The following MDGA2 variants were observed in gnomAD, a reference collection of about 807,000 sequenced individuals.
The protein encoded by MDGA2 is MAM domain-containing glycosylphosphatidylinositol anchor protein 2.
A neutral mutation model predicts 117.8 loss-of-function variants in MDGA2; 40 were observed. The ratio of observed to expected loss-of-function variants is 0.34; its 90% CI spans 0.26 to 0.44. The LOEUF (loss-of-function observed/expected upper bound fraction) is 0.44, where lower values mean the gene tolerates loss of function less well. MDGA2 is among the 20% of genes least tolerant of loss of function. The pLI is 1.00. For synonymous variants in MDGA2, 452 were observed against 439.0 expected (o/e 1.03, Z -0.37); for missense variants, 1,123 against 1,250.6 (o/e 0.90, Z 1.54).
At chr14:47,528,896 C>T (rs774374637) in intron 1 of MDGA2, among the ~76,000 whole-genome samples, 8 of 152,060 alleles carry the variant, frequency 5.3e-5, no homozygotes, top group Non-Finnish European at 1.0e-4. Flanking sequence ...TATCTACTCT[C>T]AGGTACAAAC....
intron 1 of MDGA2, among the ~76,000 whole-genome samples, chr14:47,583,830 G>A (rs1474438040): frequency 6.6e-6 from 1 of 151,776 alleles, no homozygotes; most frequent in Non-Finnish European, 1.5e-5. Flanking sequence ...TTTCTCCGAA[G>A]AGCTTAGTCG....
intron 1 of MDGA2, among the ~76,000 whole-genome samples, chr14:47,349,150 C>T (rs910060154): frequency 1.3e-5 from 2 of 152,192 alleles, no homozygotes; most frequent in African/African-American, 4.8e-5. Context: ...CTAGAGCCTA[C>T]TTGAAGTGAT....
intron 1 of MDGA2, among the ~76,000 whole-genome samples, chr14:47,606,653 A>C (rs1896749141): frequency 6.6e-6 from 1 of 152,100 alleles, no homozygotes; most frequent in South Asian, 2.1e-4. Flanking sequence ...TATTACTTTG[A>C]AAATGCACCA....
intron 2 of MDGA2, among the ~76,000 whole-genome samples, chr14:47,270,246 A>AT (rs1266112978): frequency 1.3e-5 from 2 of 151,860 alleles, no homozygotes; most frequent in Non-Finnish European, 2.9e-5. Context: ...AGGTAATGTG[A>AT]TTTTTTTTCT....
chr14:47,646,346 T>A (rs1297667230), intron 1 of MDGA2, among the ~76,000 whole-genome samples: 8 of 152,092 alleles, frequency 5.3e-5, no homozygotes, highest in South Asian at 2.1e-4. Flanking sequence ...TATACACATA[T>A]AACATATATA....
At chr14:47,139,800 A>G (rs1882627710) in intron 4 of MDGA2, among the ~76,000 whole-genome samples, 1 of 40,048 alleles carries the variant, frequency 2.5e-5, no homozygotes, top group South Asian at 8.7e-4. Context: ...ATGTGTATAT[A>G]TATGTATATA....
chr14:47,013,772 G>GTATGTATATA (rs1555343312), intron 8 of MDGA2, among the ~76,000 whole-genome samples: 7 of 93,698 alleles, frequency 7.5e-5, no homozygotes, highest in Non-Finnish European at 8.8e-5. Flanking sequence ...TAATTTCCTT[G>GTATGTATATA]TATATATATA....
intron 3 of MDGA2, among the ~76,000 whole-genome samples, chr14:47,214,016 G>C (rs1052554548): frequency 6.6e-6 from 1 of 152,092 alleles, no homozygotes; most frequent in Non-Finnish European, 1.5e-5. Flanking sequence ...GAGCGAAGAG[G>C]GGGGTAAAGA....
chr14:47,053,423 G>A (rs1055727497), intron 7 of MDGA2, among the ~76,000 whole-genome samples: 6 of 151,418 alleles, frequency 4.0e-5, no homozygotes, highest in African/African-American at 1.2e-4. Flanking sequence ...AAACCATTTT[G>A]TTCTCTCAAA....
intron 3 of MDGA2, among the ~76,000 whole-genome samples, chr14:47,210,625 T>A (rs1885845790): frequency 6.6e-6 from 1 of 152,200 alleles, no homozygotes; most frequent in African/African-American, 2.4e-5. Context: ...AAAGATAGAT[T>A]TTAGGGTTCT....
intron 10 of MDGA2, among the ~76,000 whole-genome samples, chr14:46,911,008 G>A (rs529501781): frequency 6.6e-6 from 1 of 152,212 alleles, no homozygotes; most frequent in African/African-American, 2.4e-5. Flanking sequence ...GTGGAGGTTG[G>A]GCGGAGGAAG....
Position 46,957,376 on chromosome 14 carries a change from G to A in MDGA2, c.2087C>T (p.Thr696Ile). 6.2e-7 allele frequency: 1 copy of A among 1,612,142 alleles called. No individual in the cohort carries two copies. Among genetic ancestry groups the A allele is most frequent in the Non-Finnish European group, 8.5e-7 (1 of 1,178,868 alleles). ...AAAGAAAATATCTGGAATCCTACCT[G>A]TAACAAGAAAGCTGCATCTCCCAGC... ...AGAGRCSFLVTGKAYAPEFYY... is the reference protein window; with the variant it reads ...AGAGRCSFLVIGKAYAPEFYY... The change falls in exon 9 of 17, where the codon ACA (threonine) becomes ATA (isoleucine). Residue 696 changes from threonine (T) to isoleucine (I), a missense_variant and splice_region_variant. By Grantham distance (89) the Thr-to-Ile change is moderately conservative (BLOSUM62 -1). Around this residue, in one of 2 missense-constraint regions of MDGA2, gnomAD observed 890 missense variants for 1,050.3 expected, o/e 0.85. Coordinates refer to ENST00000399232, the MANE Select transcript of MDGA2 (RefSeq NM_001113498.3).
intron 1 of MDGA2, among the ~76,000 whole-genome samples, chr14:47,344,729 G>A (rs1056811327): frequency 6.8e-5 from 10 of 146,858 alleles, no homozygotes; most frequent in Admixed American, 2.7e-4. Context: ...TTCTTTTTTC[G>A]CATGTAAATG....
At chr14:47,392,102 T>A (rs1891909498) in intron 1 of MDGA2, among the ~76,000 whole-genome samples, 2 of 152,192 alleles carry the variant, frequency 1.3e-5, no homozygotes, top group Admixed American at 1.3e-4. Context: ...TCAGATCTCC[T>A]GAAGAGCGCA....
intron 1 of MDGA2, among the ~76,000 whole-genome samples, chr14:47,617,606 A>G (rs1310629848): frequency 6.6e-6 from 1 of 152,212 alleles, no homozygotes; most frequent in Non-Finnish European, 1.5e-5. Context: ...AGCTTGCTAC[A>G]GTTCTTAGGT....
chr14:47,520,766 A>G (rs1894852901), intron 1 of MDGA2, among the ~76,000 whole-genome samples: 1 of 152,200 alleles, frequency 6.6e-6, no homozygotes, highest in African/African-American at 2.4e-5. Context: ...GGAACCAGTG[A>G]CCACTCCTTG....
intron 2 of MDGA2, among the ~76,000 whole-genome samples, chr14:47,227,618 C>T (rs1398995424): frequency 1.3e-5 from 2 of 151,942 alleles, no homozygotes; most frequent in East Asian, 3.9e-4. Context: ...AACTTGGTAT[C>T]TCCAGCCCAA....
intron 3 of MDGA2, among the ~76,000 whole-genome samples, chr14:47,190,617 C>T (rs779197577): frequency 2.6e-5 from 4 of 152,146 alleles, no homozygotes; most frequent in African/African-American, 9.7e-5. Flanking sequence ...TACAAGGTTG[C>T]CATACCTGTA....
chr14:47,399,945 C>T (rs2068988), intron 1 of MDGA2, among the ~76,000 whole-genome samples: 15,818 of 152,004 alleles, frequency 0.1, 1,067 homozygotes, highest in Non-Finnish European at 0.13. Flanking sequence ...TATAATTAAG[C>T]AGTGACACCT....
Sources: gnomAD v4.1 joint callset for allele counts (sites outside exome capture counted in the v4.1 genomes callset) on GRCh38, gnomAD v4.1.1 for gene constraint, gnomAD v4.1.1 regional missense constraint, MANE v1.5 for transcripts, NCBI Gene and HGNC (gene_info 2026-07-23, HGNC 2026-07-21) for gene names.